The following UACA variants were observed in gnomAD, a reference collection of about 807,000 sequenced individuals.
UACA encodes uveal autoantigen with coiled-coil domains and ankyrin repeats, also known as nuclear membrane binding protein.
In UACA, 112 loss-of-function variants were observed where a neutral mutation model predicts 160.5. The observed-to-expected ratio is 0.70, with a 90% CI of 0.60 to 0.82. The LOEUF is 0.82. Among genes scored for constraint, UACA ranks in the 40% least tolerant of loss-of-function variants. The probability of loss-of-function intolerance (pLI) is 0.00; values close to 1 mark genes in which losing one functional copy is unlikely to be tolerated. For missense variants in UACA, 1,574 were observed against 1,614.6 expected (o/e 0.97, Z 0.43); for synonymous variants, 557 against 568.4 (o/e 0.98, Z 0.29).
chr15:70,709,803 T>C (rs1308660306), intron 1 of UACA, among the ~76,000 whole-genome samples: 1 of 152,216 alleles, frequency 6.6e-6, no homozygotes, highest in Non-Finnish European at 1.5e-5. Context: ...TACTGTTTAA[T>C]GGCTAGTCAA....
chr15:70,658,522 A>G (rs1408580167), intron 18 of UACA, among the ~76,000 whole-genome samples: 1 of 152,206 alleles, frequency 6.6e-6, no homozygotes, highest in Non-Finnish European at 1.5e-5. Flanking sequence ...CCAGTCCCAC[A>G]GGTGAAAAAT....
intron 1 of UACA, among the ~76,000 whole-genome samples, chr15:70,756,701 T>C (rs2030450464): frequency 6.6e-6 from 1 of 152,004 alleles, no homozygotes; most frequent in African/African-American, 2.4e-5. Flanking sequence ...GGCAAAACCC[T>C]GTCTCTACCA....
rs920645657 is a variant in UACA at position 70,654,915 on chromosome 15, T to C, written c.*2141A>G. ...TTGTAAACGCAATTTCTGCCTTCGA[T>C]ATCAAAAGGTGAGTGAATGAGACAA... On this transcript the variant is annotated 3_prime_UTR_variant, in exon 19 of 19. Coordinates refer to ENST00000322954, the MANE Select transcript of UACA (RefSeq NM_018003.4). 6 of 152,232 alleles carry C rather than the reference T, an allele frequency of 3.9e-5. No individual in the cohort carries two copies. Among genetic ancestry groups the C allele is most frequent in the Non-Finnish European group, 1.5e-5 (1 of 68,038 alleles). 9.4% of individuals were successfully genotyped at this position (152,232 alleles called of 1,614,324 possible).
intron 1 of UACA, chr15:70,702,067 A>G (rs1325659587): frequency 1.5e-6 from 2 of 1,369,846 alleles, no homozygotes; most frequent in Non-Finnish European, 9.4e-7. Context: ...ATCTCTAACG[A>G]TATTTTCTTC....
At chr15:70,769,741 A>G in the UACA span, among the ~76,000 whole-genome samples, 4 of 152,190 alleles carry the variant, frequency 2.6e-5, no homozygotes, top group African/African-American at 9.7e-5. Flanking sequence ...TCACATCTGT[A>G]ATCCCAGCAT....
At position 70,668,099 on chromosome 15, in the gene UACA, A is replaced by T; in HGVS notation, c.2585T>A (p.Val862Asp). The T allele has an allele frequency of 6.2e-7, 1 of 1,613,650 alleles. No individual in the cohort carries two copies. The highest frequency in any genetic ancestry group is 1.3e-5 in the African/African-American group (1 of 75,038). The change falls in exon 16 of 19, where the codon GTT becomes GAT. Residue 862 changes from valine (V) to aspartate (D), a missense_variant. Coordinates refer to ENST00000322954, the MANE Select transcript of UACA (RefSeq NM_018003.4). ...CATTTTAACCTCTTCATGGGTTTTA[A>T]CTGGCACATACTGATTACTCATCAT... ...KKMMSNQYVP[V>D]KTHEEVKMTL...
chr15:70,745,611 C>T, intron 1 of UACA, among the ~76,000 whole-genome samples: 1 of 152,228 alleles, frequency 6.6e-6, no homozygotes, highest in Non-Finnish European at 1.5e-5. Flanking sequence ...GAAAAAACTA[C>T]TTTAAATTTC....
At chr15:70,658,049 C>T (rs1896547492) in intron 18 of UACA, among the ~76,000 whole-genome samples, 1 of 152,240 alleles carries the variant, frequency 6.6e-6, no homozygotes, top group Admixed American at 6.5e-5. Context: ...GATTGTGCCA[C>T]AGCACTCCAG....
At chr15:70,682,332 ACT>A (rs1341372355) in intron 9 of UACA, among the ~76,000 whole-genome samples, 2 of 152,112 alleles carry the variant, frequency 1.3e-5, no homozygotes, top group Admixed American at 1.3e-4. Flanking sequence ...TCAGTTTAGA[ACT>A]CTGTTTTCTT....
At chr15:70,767,582 CATCTCA>C (rs2031048131), upstream of UACA, among the ~76,000 whole-genome samples, 1 of 148,712 alleles carries the variant, frequency 6.7e-6, no homozygotes. Context: ...AGCAAGACTT[CATCTCA>C]AAAAAAAAAA....
chr15:70,763,693 C>A, upstream of UACA: 1 of 401,772 alleles, frequency 2.5e-6, no homozygotes, highest in East Asian at 4.4e-5. Flanking sequence ...CTTCCTCTCC[C>A]AGCTGGAGGA....
intron 17 of UACA, 137 bp downstream of exon 17, chr15:70,664,524 CT>C: frequency 1.8e-6 from 2 of 1,084,152 alleles, no homozygotes; most frequent in East Asian, 5.5e-5. Context: ...GTATAGGTAA[CT>C]TTTCGCATAT....
At chr15:70,752,239 A>C (rs1398796823) in intron 1 of UACA, among the ~76,000 whole-genome samples, 1 of 696 alleles carries the variant, frequency 1.4e-3, no homozygotes, top group Non-Finnish European at 5.8e-3. Flanking sequence ...AACTCCATCA[A>C]AAAAAAAAAA....
At chr15:70,664,965 G>GATGT in intron 16 of UACA, 151 bp from the exon 17 acceptor site, 1 of 567,338 alleles carries the variant, frequency 1.8e-6, no homozygotes, top group Non-Finnish European at 2.9e-6. Context: ...TGTTACCAAG[G>GATGT]ATGTATACAA....
chr15:70,680,034 T>TAAAAAAAA (rs11333471), intron 9 of UACA: 1 of 141,662 alleles, frequency 7.1e-6, no homozygotes, highest in Non-Finnish European at 1.5e-5. Flanking sequence ...GAACTCAACT[T>TAAAAAAAA]AAAAAAAAAA....
intron 1 of UACA, among the ~76,000 whole-genome samples, chr15:70,709,520 G>A (rs956899468): frequency 6.6e-6 from 1 of 152,124 alleles, no homozygotes; most frequent in African/African-American, 2.4e-5. Context: ...GAAAAGTAAT[G>A]TATGTTTAGT....
upstream of UACA, chr15:70,768,337 A>G (rs550386896): frequency 7.2e-5 from 11 of 152,342 alleles, no homozygotes; most frequent in African/African-American, 2.4e-4. Flanking sequence ...CACTTATGAC[A>G]TATCGAGTGT....
chr15:70,763,181 G>A (rs1395775191), intron 1 of UACA, 149 bp downstream of exon 1: 1 of 860,630 alleles, frequency 1.2e-6, no homozygotes, highest in Non-Finnish European at 1.6e-6. Context: ...GGCTGACGGA[G>A]TCTCCGGCCT....
intron 1 of UACA, chr15:70,702,414 G>T: frequency 1.5e-6 from 1 of 648,284 alleles, no homozygotes; most frequent in Non-Finnish European, 1.9e-6. Context: ...ATGATAGAAA[G>T]GAGCAGCTAA....
Sources: allele counts gnomAD v4.1 joint callset (sites outside exome capture counted in the v4.1 genomes callset), GRCh38; gene constraint gnomAD v4.1.1; transcripts MANE v1.5; gene names NCBI Gene and HGNC (gene_info 2026-07-23, HGNC 2026-07-21).